The following TBC1D22A variants were observed in gnomAD, a reference collection of about 807,000 sequenced individuals.
The protein encoded by TBC1D22A is putative GTPase activator.
Under a neutral mutation model 60.2 loss-of-function variants are expected in TBC1D22A, and 38 were observed. That is an observed-to-expected ratio of 0.63 (90% CI 0.49 to 0.83). The LOEUF (loss-of-function observed/expected upper bound fraction) is 0.83, where lower values mean the gene tolerates loss of function less well. TBC1D22A is among the 40% of genes least tolerant of loss of function. TBC1D22A has a pLI of 0.00. For missense variants in TBC1D22A, 628 were observed against 701.0 expected, an observed-to-expected ratio of 0.90 and a Z score of 1.18; for synonymous variants, 302 against 281.7, an observed-to-expected ratio of 1.07 and a Z score of -0.72.
intron 10 of TBC1D22A, among the ~76,000 whole-genome samples, chr22:47,020,660 G>A (rs573983378): frequency 6.6e-6 from 1 of 152,024 alleles, no homozygotes; most frequent in Admixed American, 6.5e-5. Flanking sequence ...AGAGTGCAGT[G>A]CAGTCGGTGG....
intron 12 of TBC1D22A, among the ~76,000 whole-genome samples, chr22:47,111,996 C>G (rs943342572): frequency 2.6e-4 from 39 of 152,214 alleles, no homozygotes; most frequent in Admixed American, 2.0e-4. Context: ...AATCACACAG[C>G]CTGGGGTGCC....
chr22:47,103,985 T>C (rs1308155757), intron 11 of TBC1D22A, among the ~76,000 whole-genome samples: 1 of 152,202 alleles, frequency 6.6e-6, no homozygotes, highest in African/African-American at 2.4e-5. Flanking sequence ...ATGGCAAAGC[T>C]GTCCTTTGTG....
At chr22:46,826,456 T>C (rs1379752084) in intron 4 of TBC1D22A, among the ~76,000 whole-genome samples, 1 of 152,274 alleles carries the variant, frequency 6.6e-6, no homozygotes, top group Non-Finnish European at 1.5e-5. Flanking sequence ...TTTTAAGACT[T>C]GATCAAGTTT....
intron 10 of TBC1D22A, among the ~76,000 whole-genome samples, chr22:47,013,152 G>A (rs1007900746): frequency 6.6e-6 from 1 of 152,204 alleles, no homozygotes; most frequent in African/African-American, 2.4e-5. Flanking sequence ...TCCTTCCCAG[G>A]ATCTTTGAGG....
rs969231114 is a variant in TBC1D22A at position 47,038,728 on chromosome 22, C to G, written c.1329+1530C>G. 2.0e-5 allele frequency among the ~76,000 whole-genome samples: 3 copies of G among 152,316 alleles called. No individual in the cohort carries two copies. The East Asian group carries it at 5.8e-4, about 29-fold the overall frequency. Reference sequence around the variant, plus strand: ...CTGACTTTGCTTTTCCTTTGCGCCGCTTGTCTGGTCTAATGATCTCACTAC... The same window carrying G: ...CTGACTTTGCTTTTCCTTTGCGCCGGTTGTCTGGTCTAATGATCTCACTAC... On this transcript the variant is annotated intron_variant, in intron 11 of 12. Transcript: ENST00000337137.
At chr22:46,856,792 G>A (rs1162249794) in intron 4 of TBC1D22A, among the ~76,000 whole-genome samples, 3 of 152,164 alleles carry the variant, frequency 2.0e-5, no homozygotes, top group African/African-American at 4.8e-5. Flanking sequence ...AATCACTTCC[G>A]TATTATTAGA....
chr22:46,958,952 TCATTC>T (rs1320132653), intron 8 of TBC1D22A, among the ~76,000 whole-genome samples: 1 of 152,174 alleles, frequency 6.6e-6, no homozygotes, highest in Non-Finnish European at 1.5e-5. Flanking sequence ...TACACCATGC[TCATTC>T]TTCCCGCTGC....
At chr22:47,079,764 T>C (rs775883105) in intron 11 of TBC1D22A, among the ~76,000 whole-genome samples, 19 of 152,168 alleles carry the variant, frequency 1.2e-4, no homozygotes, top group Non-Finnish European at 2.8e-4. Context: ...AGCAATATAG[T>C]AGACTTACAC....
chr22:46,990,625 C>T lies in TBC1D22A; in HGVS notation c.1126-7009C>T, dbSNP rs115719842. Among the ~76,000 whole-genome samples, 983 of 152,258 alleles carry T rather than the reference C, an allele frequency of 6.5e-3. 12 individuals carry two copies. The highest frequency in any genetic ancestry group is 0.023 in the African/African-American group (946 of 41,546). ...GTGTCGCACAGTGTCGTCCCCTGCC[C>T]TGAACACCCTCGTGCCCCGCCTGTT... On this transcript the variant is annotated intron_variant, in intron 9 of 12. Transcript: ENST00000337137. This position sits in a 1 kb window ranked among gnomAD's most constrained non-coding sequence, Gnocchi z 4.6.
chr22:46,943,789 A>G (rs1397684990), intron 8 of TBC1D22A, among the ~76,000 whole-genome samples: 1 of 152,166 alleles, frequency 6.6e-6, no homozygotes, highest in East Asian at 1.9e-4. Context: ...TTCATGTTAT[A>G]TGTTCACAGC....
chr22:46,770,497 C>G (rs1204287007), intron 1 of TBC1D22A, among the ~76,000 whole-genome samples: 1 of 152,190 alleles, frequency 6.6e-6, no homozygotes, highest in African/African-American at 2.4e-5. Flanking sequence ...GGGACTGTGC[C>G]GAGGGATGTC....
intron 10 of TBC1D22A, among the ~76,000 whole-genome samples, chr22:46,999,897 C>T (rs150046382): frequency 0.021 from 3,224 of 152,180 alleles, 71 homozygotes; most frequent in African/African-American, 0.055. Context: ...TGGTGGCAGG[C>T]GCCTGGAGTC....
intron 11 of TBC1D22A, among the ~76,000 whole-genome samples, chr22:47,088,239 T>C (rs1192250228): frequency 6.6e-6 from 1 of 152,142 alleles, no homozygotes; most frequent in Non-Finnish European, 1.5e-5. Context: ...GCGGAGTCCT[T>C]AAGCCGTTTC....
intron 11 of TBC1D22A, among the ~76,000 whole-genome samples, chr22:47,041,753 G>A (rs912685945): frequency 3.9e-5 from 6 of 152,214 alleles, no homozygotes; most frequent in African/African-American, 1.2e-4. Flanking sequence ...ATTGGCAGAC[G>A]TTTTCTGTAA....
intron 11 of TBC1D22A, among the ~76,000 whole-genome samples, chr22:47,037,817 G>A (rs551962762): frequency 8.5e-5 from 13 of 152,314 alleles, no homozygotes; most frequent in East Asian, 3.9e-4. Flanking sequence ...GAGGATGCGA[G>A]GGATGCTGGT....
At chr22:47,035,820 G>A (rs1383491906) in intron 10 of TBC1D22A, among the ~76,000 whole-genome samples, 2 of 152,264 alleles carry the variant, frequency 1.3e-5, no homozygotes, top group South Asian at 4.1e-4. Context: ...AGTCCAGGCC[G>A]GCACCCGCAT....
At chr22:46,790,958 T>C (rs1011162117) in intron 1 of TBC1D22A, among the ~76,000 whole-genome samples, 1 of 152,268 alleles carries the variant, frequency 6.6e-6, no homozygotes, top group Non-Finnish European at 1.5e-5. Context: ...GGTCTTACTC[T>C]GTAACCCAGA....
At chr22:47,004,998 C>T (rs2061535698) in intron 10 of TBC1D22A, among the ~76,000 whole-genome samples, 1 of 151,818 alleles carries the variant, frequency 6.6e-6, no homozygotes, top group South Asian at 2.1e-4. Context: ...CACATACATG[C>T]CTTTATACAC....
chr22:47,059,234 G>A (rs977594653), intron 11 of TBC1D22A, among the ~76,000 whole-genome samples: 7 of 152,270 alleles, frequency 4.6e-5, no homozygotes, highest in Non-Finnish European at 8.8e-5. Flanking sequence ...TGGATTTTCT[G>A]CCAGGGTCCT....
Sources: allele counts gnomAD v4.1 joint callset (sites outside exome capture counted in the v4.1 genomes callset), GRCh38; gene constraint gnomAD v4.1.1; non-coding constraint Gnocchi (gnomAD v3.1); transcripts MANE v1.5; gene names NCBI Gene and HGNC (gene_info 2026-07-23, HGNC 2026-07-21).